KCNIP4: variants seen among roughly 807,000 people sequenced by gnomAD.
KCNIP4 encodes the protein Kv channel-interacting protein 4.
In KCNIP4, 12 loss-of-function variants were observed where a neutral mutation model predicts 34.0. The observed-to-expected ratio is 0.35, with a 90% confidence interval of 0.23 to 0.57. The LOEUF (loss-of-function observed/expected upper bound fraction) is 0.57, where lower values mean the gene tolerates loss of function less well. Ranked by LOEUF, KCNIP4 falls within the 20% of genes least tolerant of loss-of-function variation. The probability of loss-of-function intolerance (pLI) is 0.83; values close to 1 mark genes in which losing one functional copy is unlikely to be tolerated. For missense variants in KCNIP4, 238 were observed against 311.7 expected (o/e 0.76, Z 1.78); for synonymous variants, 124 against 102.2 (o/e 1.21, Z -1.29).
At position 21,025,543 on chromosome 4, in the gene KCNIP4, G is replaced by GTTTTTTTTTTTTTTTTTTT. The variant is rs772689134; in HGVS notation, c.62-142853_62-142835dup. Among the ~76,000 whole-genome samples the GTTTTTTTTTTTTTTTTTTT allele has an allele frequency of 5.8e-5, 2 of 34,778 alleles. 1 individual carries two copies. The highest frequency in any genetic ancestry group is 2.0e-4 in the African/African-American group (2 of 9,962). The allele number at this position is 34,778 out of a possible 152,430, so 22.8% of individuals were successfully genotyped here. A position where few individuals can be genotyped will look rare whatever the true frequency, so the allele number is the denominator to read the frequency against. On this transcript the variant is annotated intron_variant, in intron 1 of 8. Transcript: ENST00000382152. ...TGCAAAAAGGTCACTCATTGATACT[G>GTTTTTTTTTTTTTTTTTTT]TTTTTTTTTTTTTTTTTTTTTTTTT...
chr4:21,334,039 A>C (rs2109330914), intron 1 of KCNIP4, among the ~76,000 whole-genome samples: 1 of 152,250 alleles, frequency 6.6e-6, no homozygotes, highest in South Asian at 2.1e-4. Flanking sequence ...TCTGTTGCAA[A>C]GCCAGTTTAA....
chr4:21,385,367 C>G (rs1349590585), intron 1 of KCNIP4, among the ~76,000 whole-genome samples: 5 of 152,096 alleles, frequency 3.3e-5, no homozygotes, highest in Non-Finnish European at 5.9e-5. Flanking sequence ...CTCTAAGGCT[C>G]TACAAAGGGT....
intron 3 of KCNIP4, among the ~76,000 whole-genome samples, chr4:20,775,830 A>G (rs1039237867): frequency 9.9e-5 from 15 of 152,174 alleles, no homozygotes; most frequent in Admixed American, 9.2e-4. Context: ...ATATTATCTT[A>G]GGGGCTAAGT....
chr4:21,582,681 T>C (rs1741324466), intron 1 of KCNIP4, among the ~76,000 whole-genome samples: 1 of 151,986 alleles, frequency 6.6e-6, no homozygotes, highest in African/African-American at 2.4e-5. Flanking sequence ...AATGTTTCTT[T>C]ATGCAAATAC....
intron 1 of KCNIP4, among the ~76,000 whole-genome samples, chr4:21,415,906 G>C (rs1283553846): frequency 6.6e-6 from 1 of 152,038 alleles, no homozygotes; most frequent in Non-Finnish European, 1.5e-5. Context: ...GAAAGATATG[G>C]GATGATAATA....
chr4:21,249,540 G>A (rs928488618), intron 1 of KCNIP4, among the ~76,000 whole-genome samples: 2 of 151,956 alleles, frequency 1.3e-5, no homozygotes, highest in African/African-American at 2.4e-5. Flanking sequence ...GATCTTGGTG[G>A]AAAGAATAAA....
At chr4:21,938,619 T>G (rs1402162561) in intron 1 of KCNIP4, among the ~76,000 whole-genome samples, 1 of 152,162 alleles carries the variant, frequency 6.6e-6, no homozygotes, top group Non-Finnish European at 1.5e-5. Flanking sequence ...ACAAACCATG[T>G]GATTATGATA....
At chr4:21,108,678 T>G (rs908969170) in intron 1 of KCNIP4, among the ~76,000 whole-genome samples, 6 of 151,724 alleles carry the variant, frequency 4.0e-5, no homozygotes, top group Admixed American at 2.0e-4. Context: ...GGCACTCTGC[T>G]TTTTAGAGTT....
chr4:21,257,559 C>A (rs532762806), intron 1 of KCNIP4, among the ~76,000 whole-genome samples: 1 of 152,032 alleles, frequency 6.6e-6, no homozygotes, highest in Admixed American at 6.5e-5. Context: ...GCCAGCCTGA[C>A]AAATATGGTG....
intron 1 of KCNIP4, among the ~76,000 whole-genome samples, chr4:21,494,432 C>T: frequency 6.6e-6 from 1 of 151,970 alleles, no homozygotes; most frequent in Admixed American, 6.6e-5. Flanking sequence ...ACAAAATTTA[C>T]ATTATTTAGA....
intron 8 of KCNIP4, among the ~76,000 whole-genome samples, chr4:20,730,938 AT>A (rs1747975117): frequency 6.6e-6 from 1 of 152,216 alleles, no homozygotes; most frequent in Admixed American, 6.5e-5. Flanking sequence ...CACCAAATTA[AT>A]TCTCTCAAAG....
intron 1 of KCNIP4, among the ~76,000 whole-genome samples, chr4:21,547,906 A>T (rs947059745): frequency 6.6e-6 from 1 of 152,106 alleles, no homozygotes; most frequent in Non-Finnish European, 1.5e-5. Context: ...TGCGCCTGAA[A>T]CAAAGTTTGT....
intron 1 of KCNIP4, among the ~76,000 whole-genome samples, chr4:21,645,279 C>T (rs1004170357): frequency 6.6e-6 from 1 of 152,028 alleles, no homozygotes; most frequent in African/African-American, 2.4e-5. Flanking sequence ...AATAAATTGC[C>T]CATATCATAC....
At chr4:21,772,211 G>C (rs1409695314) in intron 1 of KCNIP4, among the ~76,000 whole-genome samples, 1 of 152,024 alleles carries the variant, frequency 6.6e-6, no homozygotes, top group Non-Finnish European at 1.5e-5. Flanking sequence ...TTCTGTTTAC[G>C]TGATGGATGA....
intron 1 of KCNIP4, among the ~76,000 whole-genome samples, chr4:21,837,917 A>G (rs1031592637): frequency 6.6e-6 from 1 of 152,134 alleles, no homozygotes; most frequent in Admixed American, 6.5e-5. Flanking sequence ...CACTGGGCCA[A>G]TTATCTCCAG....
At chr4:21,896,298 T>C (rs1371712191) in intron 1 of KCNIP4, among the ~76,000 whole-genome samples, 1 of 152,138 alleles carries the variant, frequency 6.6e-6, no homozygotes, top group Non-Finnish European at 1.5e-5. Context: ...GTGCTTAAAA[T>C]TGTTATACAC....
chr4:21,727,525 TA>T (rs1403546538), intron 1 of KCNIP4, among the ~76,000 whole-genome samples: 2 of 152,110 alleles, frequency 1.3e-5, no homozygotes, highest in Non-Finnish European at 2.9e-5. Flanking sequence ...GACAATACCC[TA>T]CATTTAAAAT....
At chr4:21,151,292 G>A (rs4273472) in intron 1 of KCNIP4, among the ~76,000 whole-genome samples, 29,247 of 151,556 alleles carry the variant, frequency 0.19, 3,039 homozygotes, top group African/African-American at 0.26. Context: ...AAATTACAAT[G>A]GTAACTAATG....
intron 1 of KCNIP4, among the ~76,000 whole-genome samples, chr4:21,906,926 G>C (rs182669869): frequency 3.3e-5 from 5 of 152,156 alleles, no homozygotes; most frequent in Admixed American, 3.3e-4. Context: ...TGCTTTTCTA[G>C]CTCACTATAA....
Sources: allele counts gnomAD v4.1 joint callset (sites outside exome capture counted in the v4.1 genomes callset), GRCh38; gene constraint gnomAD v4.1.1; transcripts MANE v1.5; gene names NCBI Gene and HGNC (gene_info 2026-07-23, HGNC 2026-07-21).